The following LARGE1 variants were observed in gnomAD, a reference collection of about 807,000 sequenced individuals.
LARGE1 encodes the protein LARGE xylosyl- and glucuronyltransferase 1.
A neutral mutation model predicts 87.6 loss-of-function variants in LARGE1; 43 were observed. That is an observed-to-expected ratio of 0.49 (90% CI 0.38 to 0.63). LARGE1 has a LOEUF of 0.63. Ranked by LOEUF, LARGE1 falls within the 30% of genes least tolerant of loss-of-function variation. LARGE1 has a pLI of 0.00. For missense variants in LARGE1, 802 were observed against 1,000.2 expected (o/e 0.80, Z 2.67); for synonymous variants, 434 against 394.6 (o/e 1.10, Z -1.18).
At chr22:33,286,566 TCATATAA>T (rs1280505179) in intron 12 of LARGE1, among the ~76,000 whole-genome samples, 1 of 152,144 alleles carries the variant, frequency 6.6e-6, no homozygotes, top group Non-Finnish European at 1.5e-5. Context: ...GTGCTTACAT[TCATATAA>T]ACGTCTCGAG....
chr22:33,267,390 G>A (rs1928011853), intron 11 of LARGE1, among the ~76,000 whole-genome samples: 1 of 151,674 alleles, frequency 6.6e-6, no homozygotes, highest in South Asian at 2.1e-4. Flanking sequence ...TTAGAACGTT[G>A]AAGGCAGATC....
At chr22:33,191,535 G>T (rs1221537471) in intron 11 of LARGE1, among the ~76,000 whole-genome samples, 6 of 90,212 alleles carry the variant, frequency 6.7e-5, no homozygotes, top group Non-Finnish European at 1.2e-4. Flanking sequence ...GCTTCGTGGT[G>T]AGATCAGATA....
intron 3 of LARGE1, among the ~76,000 whole-genome samples, chr22:33,640,695 TC>T (rs945290278): frequency 1.6e-4 from 24 of 152,318 alleles, no homozygotes; most frequent in African/African-American, 5.8e-4. Context: ...CTTGAAATTC[TC>T]CCCACCAGCA....
At chr22:33,451,506 C>T (rs1266325369) in intron 6 of LARGE1, among the ~76,000 whole-genome samples, 1 of 151,792 alleles carries the variant, frequency 6.6e-6, no homozygotes, top group African/African-American at 2.4e-5. Context: ...ATCCCTCACC[C>T]CCTCAAACCC....
intron 2 of LARGE1, among the ~76,000 whole-genome samples, chr22:33,755,222 G>A (rs1436211671): frequency 6.6e-6 from 1 of 152,170 alleles, no homozygotes; most frequent in Non-Finnish European, 1.5e-5. Context: ...CAGGCTTTAG[G>A]AATGACAAAA....
chr22:33,658,195 A>G (rs2081023794), intron 2 of LARGE1, among the ~76,000 whole-genome samples: 1 of 152,188 alleles, frequency 6.6e-6, no homozygotes, highest in Admixed American at 6.5e-5. Flanking sequence ...AAAACTTAGG[A>G]AACAATATGA....
intron 2 of LARGE1, among the ~76,000 whole-genome samples, chr22:33,746,818 T>C (rs78848174): frequency 0.034 from 5,183 of 152,222 alleles, 135 homozygotes; most frequent in Non-Finnish European, 0.05. Flanking sequence ...CTGGTTATTA[T>C]TAAATCCAAG....
chr22:33,531,160 T>C (rs2072178369), intron 6 of LARGE1, among the ~76,000 whole-genome samples: 1 of 152,100 alleles, frequency 6.6e-6, no homozygotes, highest in Non-Finnish European at 1.5e-5. Flanking sequence ...CATTCTTGTT[T>C]TGTTTTGTTT....
intron 12 of LARGE1, among the ~76,000 whole-genome samples, chr22:33,293,623 G>C (rs909086659): frequency 6.6e-6 from 1 of 152,122 alleles, no homozygotes; most frequent in South Asian, 2.1e-4. Context: ...GTTAGGAATG[G>C]CAAAAAGGGA....
At chr22:33,845,128 T>C (rs886676330) in intron 1 of LARGE1, among the ~76,000 whole-genome samples, 13 of 152,174 alleles carry the variant, frequency 8.5e-5, no homozygotes, top group Non-Finnish European at 1.8e-4. Context: ...TTGAAGTGTA[T>C]TTACAGGATT....
chr22:33,670,658 G>A (rs893713545), intron 2 of LARGE1, among the ~76,000 whole-genome samples: 8 of 152,146 alleles, frequency 5.3e-5, no homozygotes, highest in South Asian at 4.1e-4. Flanking sequence ...TCCTTTGGTG[G>A]CTGTATTTAA....
At chr22:33,176,458 G>GA (rs915156360) in intron 11 of LARGE1, among the ~76,000 whole-genome samples, 3 of 151,540 alleles carry the variant, frequency 2.0e-5, no homozygotes, top group African/African-American at 2.4e-5. Flanking sequence ...AAATTTACAA[G>GA]AAAAAAAACC....
intron 12 of LARGE1, among the ~76,000 whole-genome samples, chr22:33,285,088 T>C (rs1438484646): frequency 6.6e-6 from 1 of 152,156 alleles, no homozygotes; most frequent in Non-Finnish European, 1.5e-5. Flanking sequence ...CTGGGACAAG[T>C]GGTCACTATT....
At chr22:33,416,792 T>A (rs200479454) in intron 7 of LARGE1, among the ~76,000 whole-genome samples, 1 of 151,788 alleles carries the variant, frequency 6.6e-6, no homozygotes, top group East Asian at 1.9e-4. Context: ...TTAGTAGAGA[T>A]GGGGTTTCAC....
intron 9 of LARGE1, among the ~76,000 whole-genome samples, chr22:33,345,079 T>C (rs1028562117): frequency 1.3e-5 from 2 of 152,210 alleles, no homozygotes; most frequent in African/African-American, 2.4e-5. Flanking sequence ...CATTATCAAG[T>C]AGTAATAATA....
chr22:33,198,672 C>CAT (rs1273198983), intron 11 of LARGE1, among the ~76,000 whole-genome samples: 66 of 91,694 alleles, frequency 7.2e-4, no homozygotes, highest in African/African-American at 2.1e-3. Flanking sequence ...CACACACACA[C>CAT]ACACGTATCT....
chr22:33,468,437 T>G (rs1414404676), intron 6 of LARGE1, among the ~76,000 whole-genome samples: 3 of 152,126 alleles, frequency 2.0e-5, no homozygotes, highest in African/African-American at 7.2e-5. Context: ...TCCCATCTCC[T>G]TTTAAAAACA....
chr22:33,423,220 T>C (rs1472548499), intron 7 of LARGE1, among the ~76,000 whole-genome samples: 2 of 152,134 alleles, frequency 1.3e-5, no homozygotes, highest in South Asian at 2.1e-4. Context: ...TGAAGACAGT[T>C]CTATCCCAAA....
At chr22:33,878,007 T>C (rs1407918184) in intron 1 of LARGE1, among the ~76,000 whole-genome samples, 2 of 151,598 alleles carry the variant, frequency 1.3e-5, no homozygotes, top group Non-Finnish European at 2.9e-5. Flanking sequence ...TTTATATATA[T>C]ATATTTTGGT....
Sources: gnomAD v4.1 joint callset for allele counts (sites outside exome capture counted in the v4.1 genomes callset) on GRCh38, gnomAD v4.1.1 for gene constraint, MANE v1.5 for transcripts, NCBI Gene and HGNC (gene_info 2026-07-23, HGNC 2026-07-21) for gene names.